The following OCA2 variants were observed in gnomAD, a reference collection of about 807,000 sequenced individuals.
The protein encoded by OCA2 is OCA2 melanosomal transmembrane protein.
Under a neutral mutation model 100.2 loss-of-function variants are expected in OCA2, and 77 were observed. That is an observed-to-expected ratio of 0.77 (90% CI 0.64 to 0.93). The LOEUF (loss-of-function observed/expected upper bound fraction) is 0.93, where lower values mean the gene tolerates loss of function less well. Ranked by LOEUF, OCA2 falls within the 40% of genes least tolerant of loss-of-function variation. OCA2 has a pLI of 0.00. For missense variants in OCA2, 1,062 were observed against 1,089.1 expected (o/e 0.98, Z 0.35); for synonymous variants, 432 against 439.2 (o/e 0.98, Z 0.21).
At chr15:27,878,506 T>C (rs2036881460) in intron 19 of OCA2, among the ~76,000 whole-genome samples, 1 of 152,174 alleles carries the variant, frequency 6.6e-6, no homozygotes, top group South Asian at 2.1e-4. Flanking sequence ...AAAGTTCTTT[T>C]CTTTCAGCAC....
In OCA2 at chr15:28,009,388, T is replaced by TA. The variant is rs200487550; in HGVS notation, c.1044+5387dup. 5.2e-3 allele frequency among the ~76,000 whole-genome samples: 796 copies of TA among 152,006 alleles called. 10 individuals are homozygous for TA. The highest frequency in any genetic ancestry group is 0.018 in the African/African-American group (752 of 41,480). ...AGATAGACCATAAACCTGAGTCATTTAAAAAAAAGTCAACAATGCCCGGGC... is the reference window on the plus strand; with the variant it reads ...AGATAGACCATAAACCTGAGTCATTTAAAAAAAAAGTCAACAATGCCCGGGC... On this transcript the variant is annotated intron_variant, in intron 9 of 23. Transcript: ENST00000354638.
chr15:27,864,344 T>C (rs1279587032), intron 21 of OCA2, among the ~76,000 whole-genome samples: 1 of 152,222 alleles, frequency 6.6e-6, no homozygotes, highest in Admixed American at 6.5e-5. Context: ...CTAATTGCAA[T>C]CCGCCAGGCT....
chr15:27,780,278 G>A (rs1445556836), intron 23 of OCA2, among the ~76,000 whole-genome samples: 3 of 152,214 alleles, frequency 2.0e-5, no homozygotes, highest in Non-Finnish European at 2.9e-5. Flanking sequence ...CTGGACAGGG[G>A]AGAAAGTGGT....
chr15:27,871,059 C>A, intron 21 of OCA2, 95 bp downstream of exon 21: 9 of 906,964 alleles, frequency 9.9e-6, no homozygotes, highest in Non-Finnish European at 1.6e-5. Flanking sequence ...AGCAGAGGGG[C>A]AGGCTTCATC....
chr15:27,932,722 T>C (rs1409784895), intron 18 of OCA2, among the ~76,000 whole-genome samples: 1 of 152,188 alleles, frequency 6.6e-6, no homozygotes, highest in Non-Finnish European at 1.5e-5. Context: ...TTCAAATCAA[T>C]CTGTGTCAAA....
intron 23 of OCA2, among the ~76,000 whole-genome samples, chr15:27,822,050 G>A (rs920549057): frequency 1.3e-5 from 2 of 152,130 alleles, no homozygotes; most frequent in African/African-American, 4.8e-5. Flanking sequence ...GCAGCCCATA[G>A]GCAGTCAATC....
At chr15:27,858,079 A>C (rs527436585) in intron 21 of OCA2, among the ~76,000 whole-genome samples, 95 of 152,368 alleles carry the variant, frequency 6.2e-4, no homozygotes, top group African/African-American at 2.2e-3. Flanking sequence ...ATATGCAGAA[A>C]AGAAATACAT....
intron 1 of OCA2, among the ~76,000 whole-genome samples, chr15:28,096,664 A>G (rs1362052920): frequency 6.6e-6 from 1 of 152,142 alleles, no homozygotes. Context: ...GGATTTTTCA[A>G]CATGTGAACT....
chr15:28,025,044 A>T, intron 4 of OCA2, 142 bp from the exon 5 acceptor site: 22 of 785,096 alleles, frequency 2.8e-5, no homozygotes, highest in Non-Finnish European at 4.4e-5. Context: ...GAGGGAGAAC[A>T]CCCTCATATC....
chr15:27,818,606 G>A (rs74409036), intron 23 of OCA2, among the ~76,000 whole-genome samples: 5,719 of 152,236 alleles, frequency 0.038, 151 homozygotes, highest in Middle Eastern at 0.078. Flanking sequence ...AGGAGCACCT[G>A]CCTGGTGCTC....
intron 23 of OCA2, among the ~76,000 whole-genome samples, chr15:27,801,739 A>C (rs2033624878): frequency 6.6e-6 from 1 of 152,106 alleles, no homozygotes; most frequent in Non-Finnish European, 1.5e-5. Flanking sequence ...ACACCCATTC[A>C]TAATAAAAAG....
At chr15:27,770,915 C>CTCCCTCCCTCTCTTTTCTTCCTTCCT (rs2031755270) in intron 23 of OCA2, among the ~76,000 whole-genome samples, 1 of 111,390 alleles carries the variant, frequency 9.0e-6, no homozygotes, top group Non-Finnish European at 1.8e-5. Context: ...TCCTTCCCTC[C>CTCCCTCCCTCTCTTTTCTTCCTTCCT]TCCCTCCCTC....
At chr15:28,041,604 C>T (rs570904525) in intron 2 of OCA2, among the ~76,000 whole-genome samples, 1 of 152,250 alleles carries the variant, frequency 6.6e-6, no homozygotes, top group East Asian at 1.9e-4. Flanking sequence ...GTAGATAACA[C>T]AACTTTATGT....
At chr15:27,928,619 G>GT (rs928529906) in intron 18 of OCA2, among the ~76,000 whole-genome samples, 3 of 152,140 alleles carry the variant, frequency 2.0e-5, no homozygotes, top group Non-Finnish European at 4.4e-5. Context: ...CCCTGCAGCT[G>GT]TAAGACTGAG....
intron 2 of OCA2, among the ~76,000 whole-genome samples, chr15:28,080,886 A>T (rs763183956): frequency 2.6e-5 from 4 of 152,264 alleles, no homozygotes; most frequent in Non-Finnish European, 4.4e-5. Context: ...GTCTTTACAT[A>T]AGTAAATATT....
intron 5 of OCA2, among the ~76,000 whole-genome samples, chr15:28,024,130 C>A (rs997764954): frequency 6.6e-6 from 1 of 152,192 alleles, no homozygotes; most frequent in Non-Finnish European, 1.5e-5. Flanking sequence ...AGAGGTGTCT[C>A]TGCAGCCCTG....
At chr15:27,770,083 G>A (rs952561826) in intron 23 of OCA2, among the ~76,000 whole-genome samples, 4 of 152,254 alleles carry the variant, frequency 2.6e-5, no homozygotes, top group South Asian at 2.1e-4. Flanking sequence ...GGCCTGCAGT[G>A]CCCCCCACCC....
Position 28,050,355 on chromosome 15 carries a change from G to A in OCA2, c.228-18192C>T, listed in dbSNP as rs752549287. On this transcript the variant is annotated intron_variant, in intron 2 of 23. Transcript: ENST00000354638. ...AAGCAGATCACCTGAGGTCGAGTTCGAGACCAGCCTGGCCAACATGGTGAA... is the reference window on the plus strand; with the variant it reads ...AAGCAGATCACCTGAGGTCGAGTTCAAGACCAGCCTGGCCAACATGGTGAA... 5.3e-5 allele frequency among the ~76,000 whole-genome samples: 8 copies of A among 151,990 alleles called. No individual in the cohort carries two copies. In the South Asian group the frequency reaches 1.0e-3, roughly 20 times the overall value.
intron 23 of OCA2, among the ~76,000 whole-genome samples, chr15:27,822,611 C>T (rs2034548864): frequency 6.6e-6 from 1 of 152,202 alleles, no homozygotes; most frequent in Non-Finnish European, 1.5e-5. Context: ...TAAAATGGCG[C>T]TGTGGTTTTA....
Sources: gnomAD v4.1 joint callset for allele counts (sites outside exome capture counted in the v4.1 genomes callset) on GRCh38, gnomAD v4.1.1 for gene constraint, MANE v1.5 for transcripts, NCBI Gene and HGNC (gene_info 2026-07-23, HGNC 2026-07-21) for gene names.